Variants in SPSB4 observed in about 807,000 individuals in gnomAD.
SPSB4 encodes the protein splA/ryanodine receptor domain and SOCS box containing 4, also known as SPRY domain-containing SOCS box protein 4.
In SPSB4, 21 loss-of-function variants were observed where a neutral mutation model predicts 20.9. The ratio of observed to expected loss-of-function variants is 1.01; its 90% CI spans 0.71 to 1.45. The LOEUF is 1.45. SPSB4 is among the 40% of genes most tolerant of loss of function. The pLI is 0.00. For synonymous variants in SPSB4, 207 were observed against 183.8 expected, an observed-to-expected ratio of 1.13 and a Z score of -1.02; for missense variants, 399 against 399.2, an observed-to-expected ratio of 1.00 and a Z score of 0.00.
chr3:141,130,595 C>A (rs2107804358), intron 2 of SPSB4, among the ~76,000 whole-genome samples: 1 of 152,236 alleles, frequency 6.6e-6, no homozygotes, highest in South Asian at 2.1e-4. Flanking sequence ...AGATGCTGAT[C>A]TTTTTTCAAA....
At chr3:141,081,309 C>T (rs539686491) in intron 2 of SPSB4, among the ~76,000 whole-genome samples, 168 of 152,314 alleles carry the variant, frequency 1.1e-3, no homozygotes, top group African/African-American at 3.9e-3. Flanking sequence ...TAAACCATTC[C>T]GACCGCGGCT....
chr3:141,110,867 T>G (rs771228733), intron 2 of SPSB4, among the ~76,000 whole-genome samples: 4 of 152,186 alleles, frequency 2.6e-5, no homozygotes, highest in Non-Finnish European at 5.9e-5. Flanking sequence ...CACATTGACC[T>G]CCACAGAAGC....
intron 2 of SPSB4, among the ~76,000 whole-genome samples, chr3:141,110,372 G>A (rs1938775921): frequency 6.6e-6 from 1 of 152,312 alleles, no homozygotes; most frequent in South Asian, 2.1e-4. Context: ...TGGGGAAATA[G>A]AGGCTGAGAA....
At chr3:141,068,115 T>C (rs1259145160) in intron 2 of SPSB4, among the ~76,000 whole-genome samples, 4 of 152,300 alleles carry the variant, frequency 2.6e-5, no homozygotes, top group African/African-American at 9.6e-5. Flanking sequence ...AAAATTTACA[T>C]TTACTGGAGC....
At chr3:141,109,307 C>T (rs1427581988) in intron 2 of SPSB4, among the ~76,000 whole-genome samples, 1 of 152,054 alleles carries the variant, frequency 6.6e-6, no homozygotes, top group African/African-American at 2.4e-5. Flanking sequence ...CTTCCGCCTT[C>T]TCCTTGACAA....
chr3:141,077,078 G>T (rs759765845), intron 2 of SPSB4: 1 of 152,182 alleles, frequency 6.6e-6, no homozygotes, highest in Non-Finnish European at 1.5e-5. Context: ...GGCGGTTAGC[G>T]TGAGTTACGG....
chr3:141,058,372 C>T (rs932232758), intron 1 of SPSB4, among the ~76,000 whole-genome samples: 2 of 152,186 alleles, frequency 1.3e-5, no homozygotes. Flanking sequence ...GATTGAAGCC[C>T]CAGAGCAGAT....
In SPSB4 at chr3:141,113,875, C is replaced by T. The variant is rs189266712; in HGVS notation, c.695-33267C>T. 1.0e-3 allele frequency among the ~76,000 whole-genome samples: 157 copies of T among 152,326 alleles called. 1 individual carries two copies. The highest frequency in any genetic ancestry group is 2.1e-3 in the Non-Finnish European group (145 of 68,030). On this transcript the variant is annotated intron_variant, in intron 2 of 2. Transcript: ENST00000310546. The stretch of plus-strand genomic sequence containing the variant: ...TTTTGGGAGGCCAAGGCGGGCAGAT[C>T]GCTTGAGTCCAGGAGTTTGAGACCA...
At chr3:141,107,212 C>T (rs964699290) in intron 2 of SPSB4, among the ~76,000 whole-genome samples, 1 of 152,146 alleles carries the variant, frequency 6.6e-6, no homozygotes, top group African/African-American at 2.4e-5. Context: ...GGGCAGGTGA[C>T]GGATGCTGGA....
At chr3:141,106,075 T>A (rs1938683480) in intron 2 of SPSB4, among the ~76,000 whole-genome samples, 1 of 152,230 alleles carries the variant, frequency 6.6e-6, no homozygotes, top group Non-Finnish European at 1.5e-5. Context: ...GGTTCTAGTC[T>A]GTGCTCTGCC....
intron 2 of SPSB4, among the ~76,000 whole-genome samples, chr3:141,074,994 G>A (rs1470703039): frequency 6.6e-6 from 1 of 152,218 alleles, no homozygotes; most frequent in Non-Finnish European, 1.5e-5. Flanking sequence ...GGAGCTGACT[G>A]GACCAGAGAG....
chr3:141,103,244 CAGG>C (rs961524657), intron 2 of SPSB4, among the ~76,000 whole-genome samples: 14 of 152,196 alleles, frequency 9.2e-5, no homozygotes, highest in Non-Finnish European at 1.8e-4. Context: ...AATTCTAAAG[CAGG>C]AGCTGATAAC....
chr3:141,140,142 T>G (rs192193792), intron 2 of SPSB4, among the ~76,000 whole-genome samples: 3 of 152,240 alleles, frequency 2.0e-5, no homozygotes, highest in African/African-American at 4.8e-5. Context: ...CTGAGGCTTG[T>G]GCATTCGTCA....
At chr3:141,113,241 G>A (rs950329962) in intron 2 of SPSB4, among the ~76,000 whole-genome samples, 4 of 152,194 alleles carry the variant, frequency 2.6e-5, no homozygotes, top group African/African-American at 4.8e-5. Context: ...TCCTCAAAAA[G>A]TTAAACATAG....
rs146058433 is a variant in SPSB4, at chr3:141,099,823, C to A, written c.694+33025C>A. On this transcript the variant is annotated intron_variant, in intron 2 of 2. Transcript: ENST00000310546. The stretch of plus-strand genomic sequence containing the variant: ...ATGTGCTGGTACTGAGGCCATCCCC[C>A]CTAACCTGAGGTCAGTCAAACAGAG... 3.5e-4 allele frequency among the ~76,000 whole-genome samples: 54 copies of A among 152,234 alleles called. No individual in the cohort carries two copies. In the South Asian group the frequency reaches 0.011, roughly 31 times the overall value.
chr3:141,116,795 A>G (rs1938886785), intron 2 of SPSB4, among the ~76,000 whole-genome samples: 2 of 152,254 alleles, frequency 1.3e-5, no homozygotes, highest in Admixed American at 6.5e-5. Context: ...TGCCAAAAAA[A>G]TCAGTTGAAG....
chr3:141,066,091 C>G lies in SPSB4; in HGVS notation c.-14C>G. 4 of 1,509,064 alleles carry G rather than the reference C, an allele frequency of 2.7e-6. No individual in the cohort carries two copies. The South Asian group carries it at 3.7e-5, about 14-fold the overall frequency. The allele number at this position is 1,509,064 out of a possible 1,614,324, so 93.5% of individuals were successfully genotyped here. On this transcript the variant is annotated 5_prime_UTR_variant, in exon 2 of 3. Coordinates refer to ENST00000310546, the MANE Select transcript of SPSB4 (RefSeq NM_080862.3). ...TAGCGGTGGCCTGCAGCGGCCTCCT[C>G]CCCGCAGTGAAGCATGGGCCAGAAG... is the stretch of plus-strand genomic sequence containing the variant.
intron 2 of SPSB4, among the ~76,000 whole-genome samples, chr3:141,091,931 C>A (rs1938457154): frequency 6.6e-6 from 1 of 152,198 alleles, no homozygotes; most frequent in Non-Finnish European, 1.5e-5. Context: ...TCATTCCCTA[C>A]CAGCTCCCTT....
At chr3:141,063,403 A>G (rs995648205) in intron 1 of SPSB4, among the ~76,000 whole-genome samples, 6 of 152,080 alleles carry the variant, frequency 3.9e-5, no homozygotes, top group Admixed American at 1.3e-4. Context: ...TCATGCTTTT[A>G]TGCCTTTTTG....
Sources: allele counts gnomAD v4.1 joint callset (sites outside exome capture counted in the v4.1 genomes callset), GRCh38; gene constraint gnomAD v4.1.1; transcripts MANE v1.5; gene names NCBI Gene and HGNC (gene_info 2026-07-23, HGNC 2026-07-21).